The following ACACB variants were observed in gnomAD, a reference collection of about 807,000 sequenced individuals.
ACACB encodes acetyl-CoA carboxylase 2.
ACACB carries 209 observed loss-of-function variants against 278.8 expected under a neutral mutation model. The ratio of observed to expected loss-of-function variants is 0.75; its 90% CI spans 0.67 to 0.84. ACACB has a LOEUF of 0.84. ACACB is among the 40% of genes least tolerant of loss of function. The pLI is 0.00. For missense variants in ACACB, 2,850 were observed against 3,269.0 expected, an observed-to-expected ratio of 0.87 and a Z score of 3.13; for synonymous variants, 1,174 against 1,285.6, an observed-to-expected ratio of 0.91 and a Z score of 1.86.
intron 2 of ACACB, among the ~76,000 whole-genome samples, chr12:109,161,766 G>A (rs1364536163): frequency 1.3e-5 from 2 of 151,616 alleles, no homozygotes; most frequent in African/African-American, 2.4e-5. Context: ...GTGTGTGTGT[G>A]TATACCTACA....
chr12:109,185,573 T>C lies in ACACB; in HGVS notation c.1819-6T>C, dbSNP rs2136246074. On this transcript the variant is annotated splice_region_variant and splice_polypyrimidine_tract_variant and intron_variant, in intron 11 of 52. Coordinates refer to ENST00000338432, the MANE Select transcript of ACACB (RefSeq NM_001093.4). ...ACAGTCTGTGGGTTGGATCTCTTGATTTTAGATCGCCATGGGCGTGCCACT... is the reference window on the plus strand; with the variant it reads ...ACAGTCTGTGGGTTGGATCTCTTGACTTTAGATCGCCATGGGCGTGCCACT... 6.2e-7 allele frequency: 1 copy of C among 1,613,422 alleles called. No individual in the cohort carries two copies. Among genetic ancestry groups the C allele is most frequent in the East Asian group, 2.2e-5 (1 of 44,862 alleles).
At chr12:109,205,133 G>T (rs949689115) in intron 19 of ACACB, among the ~76,000 whole-genome samples, 1 of 152,080 alleles carries the variant, frequency 6.6e-6, no homozygotes, top group African/African-American at 2.4e-5. Context: ...GGATTACAAG[G>T]GTGAGCCACT....
chr12:109,222,633 G>A lies in ACACB; in HGVS notation c.3678+13G>A, dbSNP rs1416724805. On this transcript the variant is annotated intron_variant, in intron 25 of 52. Coordinates refer to ENST00000338432, the MANE Select transcript of ACACB (RefSeq NM_001093.4). ...CAGAGCCCGGCAGGTAGGGTCTCAG[G>A]GTGCGGTCCCCACGATGTGCGTTTC... 3 of 1,609,870 alleles carry A rather than the reference G, an allele frequency of 1.9e-6. No individual in the cohort carries two copies. Among genetic ancestry groups the A allele is most frequent in the East Asian group, 2.2e-5 (1 of 44,850 alleles).
intron 37 of ACACB, among the ~76,000 whole-genome samples, chr12:109,244,360 A>C (rs1241735983): frequency 1.3e-5 from 2 of 152,044 alleles, no homozygotes; most frequent in African/African-American, 2.4e-5. Flanking sequence ...AAGTTCCTTC[A>C]CCTCTCTGGG....
At chr12:109,252,924 G>C in intron 42 of ACACB, 91 bp from the exon 43 acceptor site, 3 of 1,295,288 alleles carry the variant, frequency 2.3e-6, no homozygotes, top group Non-Finnish European at 2.1e-6. Context: ...CTAATGTGTA[G>C]CCAGGATTGA....
Position 109,241,199 on chromosome 12 carries a change from T to G in ACACB, c.4940T>G (p.Ile1647Ser). The G allele has an allele frequency of 6.2e-7, 1 of 1,614,204 alleles. No homozygotes were observed. The highest frequency in any genetic ancestry group is 2.2e-5 in the East Asian group (1 of 44,880). ...ACCACCACCGGCAGTGCCGTTCCCATCCGCCTGTTCATCACCAATGAGTCG... is the reference window on the plus strand; with the variant it reads ...ACCACCACCGGCAGTGCCGTTCCCAGCCGCCTGTTCATCACCAATGAGTCG... ...RQTTTGSAVP[I>S]RLFITNESGY... The change falls in exon 36 of 53, where the codon ATC becomes AGC. Residue 1647 changes from isoleucine to serine, a missense_variant. By Grantham distance (142) the Ile-to-Ser change is moderately radical. Transcript: ENST00000338432.
chr12:109,259,967 C>A, intron 47 of ACACB: 2 of 891,904 alleles, frequency 2.2e-6, no homozygotes, highest in Non-Finnish European at 3.3e-6. Flanking sequence ...AAGAACAGGA[C>A]CAACCTCAGA....
Position 109,222,507 on chromosome 12 carries a change from G to T in ACACB, c.3565G>T (p.Asp1189Tyr). Residue 1189 changes from aspartate to tyrosine, a missense_variant and splice_region_variant, in exon 25 of 53, where the codon GAT becomes TAT. By Grantham distance (160) the Asp-to-Tyr change is radical. Coordinates refer to ENST00000338432, the MANE Select transcript of ACACB (RefSeq NM_001093.4). ...KKNQLVIMLI[D>Y]ELCGPDPSLS... ...TTGGCTTCTTTTTCTGTCCCCTAAGGATGAGCTGTGTGGCCCAGACCCTTC... is the reference window on the plus strand; with the variant it reads ...TTGGCTTCTTTTTCTGTCCCCTAAGTATGAGCTGTGTGGCCCAGACCCTTC... The T allele has an allele frequency of 1.2e-6, 2 of 1,614,096 alleles. No homozygotes were observed. The highest frequency in any genetic ancestry group is 1.7e-6 in the Non-Finnish European group (2 of 1,179,954).
chr12:109,212,455 C>G (rs1319241226), intron 21 of ACACB, among the ~76,000 whole-genome samples: 1 of 152,124 alleles, frequency 6.6e-6, no homozygotes, highest in Non-Finnish European at 1.5e-5. Context: ...GGCTTGTTTT[C>G]CTGCACCTAG....
At position 109,176,228 on chromosome 12, in the gene ACACB, G is replaced by A; in HGVS notation, c.1402G>A (p.Glu468Lys). ...GGGGKGIRKA[E>K]SAEDFPILFR... is the part of the protein sequence containing the mutation. The stretch of plus-strand genomic sequence containing the variant: ...CGGAGGGAAGGGAATCCGGAAGGCT[G>A]AGAGTGCGGAGGACTTCCCGATCCT... The change falls in exon 9 of 53, where the codon GAG becomes AAG. Residue 468 changes from glutamate (E) to lysine (K), a missense_variant. Around this residue, in one of 3 missense-constraint regions of ACACB, gnomAD observed 2,265 missense variants for 2,561.3 expected, o/e 0.88. Transcript: ENST00000338432. 1 of 1,614,232 alleles carries A rather than the reference G, an allele frequency of 6.2e-7. No individual in the cohort carries two copies. The highest frequency in any genetic ancestry group is 1.3e-5 in the African/African-American group (1 of 75,056).
intron 52 of ACACB, 58 bp downstream of exon 52, chr12:109,265,583 A>T: frequency 6.3e-7 from 1 of 1,575,990 alleles, no homozygotes. Flanking sequence ...GCCTGGATTG[A>T]CCCCTAGCTA....
In ACACB at chr12:109,206,822, G is replaced by T; in HGVS notation, c.3026G>T (p.Gly1009Val). Reference sequence around the variant, plus strand: ...GAAAACCTCACCAACGTCATGAGTGGCTTTTGTCTGCCAGAGCCCGTTTTT... The same window carrying T: ...GAAAACCTCACCAACGTCATGAGTGTCTTTTGTCTGCCAGAGCCCGTTTTT... Reference protein sequence around the residue: ...VLENLTNVMSGFCLPEPVFSI... With the variant: ...VLENLTNVMSVFCLPEPVFSI... Residue 1009 changes from glycine to valine, a missense_variant, in exon 20 of 53, where the codon GGC becomes GTC. Coordinates refer to ENST00000338432, the MANE Select transcript of ACACB (RefSeq NM_001093.4). 4 of 1,614,138 alleles carry T rather than the reference G, an allele frequency of 2.5e-6. No individual in the cohort carries two copies. The highest frequency in any genetic ancestry group is 3.4e-6 in the Non-Finnish European group (4 of 1,180,038).
chr12:109,260,178 G>C, intron 47 of ACACB: 1 of 1,424,898 alleles, frequency 7.0e-7, no homozygotes, highest in African/African-American at 1.4e-5. Context: ...TGCTGGAAAT[G>C]GTGGGGCAGG....
Position 109,266,234 on chromosome 12 carries a change from A to G in ACACB, c.7251-2A>G. 1 of 1,612,470 alleles carries G rather than the reference A, an allele frequency of 6.2e-7. No individual in the cohort carries two copies. The highest frequency in any genetic ancestry group is 8.5e-7 in the Non-Finnish European group (1 of 1,179,344). On this transcript the variant is annotated splice_acceptor_variant, in intron 52 of 52. Coordinates refer to ENST00000338432, the MANE Select transcript of ACACB (RefSeq NM_001093.4). LOFTEE classifies it high-confidence loss of function. ...CCAGCCCTCCTCTCACCTCCCCCAC[A>G]GCCTGGTTGAAGAAAACCCCGAGGT...
chr12:109,258,241 C>G, intron 45 of ACACB, 27 bp from the exon 46 acceptor site: 1 of 1,591,634 alleles, frequency 6.3e-7, no homozygotes, highest in Non-Finnish European at 8.6e-7. Flanking sequence ...CTGCCCAGGG[C>G]CTGGCTCACT....
In ACACB at chr12:109,220,870, G is replaced by C. The variant is rs557090296; in HGVS notation, c.3565-1637G>C. On this transcript the variant is annotated intron_variant, in intron 24 of 52. Coordinates refer to ENST00000338432, the MANE Select transcript of ACACB (RefSeq NM_001093.4). Reference sequence around the variant, plus strand: ...ATGCCCTGCCTAGAAAAATGTTTTTGTTATTATTATTATTATCTTTTGTAT... The same window carrying C: ...ATGCCCTGCCTAGAAAAATGTTTTTCTTATTATTATTATTATCTTTTGTAT... Among the ~76,000 whole-genome samples, 6 of 152,126 alleles carry C rather than the reference G, an allele frequency of 3.9e-5. No individual in the cohort carries two copies. The South Asian group carries it at 1.2e-3, about 32-fold the overall frequency.
At chr12:109,247,139 C>G (rs2046969500) in intron 39 of ACACB, among the ~76,000 whole-genome samples, 1 of 151,170 alleles carries the variant, frequency 6.6e-6, no homozygotes, top group Non-Finnish European at 1.5e-5. Flanking sequence ...CCATAAAAGG[C>G]AAGATGAATG....
At chr12:109,240,692 A>T (rs2046771257) in intron 35 of ACACB, among the ~76,000 whole-genome samples, 1 of 151,696 alleles carries the variant, frequency 6.6e-6, no homozygotes, top group African/African-American at 2.4e-5. Flanking sequence ...TGGGGGATTC[A>T]GGGGACCCAT....
intron 13 of ACACB, among the ~76,000 whole-genome samples, chr12:109,191,085 T>TC (rs1240498599): frequency 1.4e-4 from 22 of 152,204 alleles, no homozygotes; most frequent in African/African-American, 5.3e-4. Context: ...CAGGGCTATT[T>TC]CCCCATTTTC....
Sources: gnomAD v4.1 joint callset for allele counts (sites outside exome capture counted in the v4.1 genomes callset) on GRCh38, gnomAD v4.1.1 for gene constraint, gnomAD v4.1.1 regional missense constraint, MANE v1.5 for transcripts, NCBI Gene and HGNC (gene_info 2026-07-23, HGNC 2026-07-21) for gene names.